The following ERC2 variants were observed in gnomAD, a reference collection of about 807,000 sequenced individuals.
ERC2 encodes ELKS/RAB6-interacting/CAST family member 2, also known as ERC protein 2.
Under a neutral mutation model 114.8 loss-of-function variants are expected in ERC2, and 42 were observed. The observed-to-expected ratio is 0.37, with a 90% CI of 0.29 to 0.47. The LOEUF (loss-of-function observed/expected upper bound fraction) is 0.47, where lower values mean the gene tolerates loss of function less well. ERC2 is among the 20% of genes least tolerant of loss of function. The probability of loss-of-function intolerance (pLI) is 0.99; values close to 1 mark genes in which losing one functional copy is unlikely to be tolerated. For missense variants in ERC2, 939 were observed against 1,150.7 expected, an observed-to-expected ratio of 0.82 and a Z score of 2.66; for synonymous variants, 454 against 425.5, an observed-to-expected ratio of 1.07 and a Z score of -0.82.
chr3:56,102,516 A>C (rs1206747402), intron 6 of ERC2, among the ~76,000 whole-genome samples: 1 of 152,146 alleles, frequency 6.6e-6, no homozygotes, highest in African/African-American at 2.4e-5. Context: ...TCTACTAAAC[A>C]CAGCAGAGTT....
At chr3:55,891,073 AT>A (rs2063574623) in intron 13 of ERC2, among the ~76,000 whole-genome samples, 1 of 152,218 alleles carries the variant, frequency 6.6e-6, no homozygotes, top group South Asian at 2.1e-4. Flanking sequence ...TGGGGTGATC[AT>A]TAGGGTGGTT....
At chr3:56,333,327 G>A (rs530728830) in intron 2 of ERC2, among the ~76,000 whole-genome samples, 23 of 152,312 alleles carry the variant, frequency 1.5e-4, no homozygotes, top group African/African-American at 4.8e-4. Flanking sequence ...AAAGATTTAG[G>A]TGCCACAACA....
intron 6 of ERC2, among the ~76,000 whole-genome samples, chr3:56,126,293 T>A (rs1467321958): frequency 3.9e-5 from 6 of 152,230 alleles, no homozygotes; most frequent in African/African-American, 1.4e-4. Flanking sequence ...GGGAGCTTGT[T>A]CACTATATGC....
At chr3:56,297,676 G>A (rs2055545724) in intron 2 of ERC2, among the ~76,000 whole-genome samples, 1 of 152,196 alleles carries the variant, frequency 6.6e-6, no homozygotes, top group Admixed American at 6.5e-5. Context: ...CCTGCTTGTG[G>A]AATGAACACA....
At chr3:55,559,164 C>G (rs928051019) in intron 17 of ERC2, among the ~76,000 whole-genome samples, 1 of 152,198 alleles carries the variant, frequency 6.6e-6, no homozygotes, top group African/African-American at 2.4e-5. Flanking sequence ...CCAGCATCTC[C>G]CTATGGGCCT....
rs1200307058 is a variant in ERC2 at position 55,511,061 on chromosome 3, C to T, written c.*255G>A. 1 of 152,612 alleles carries T rather than the reference C, an allele frequency of 6.6e-6. No homozygotes were observed. Among genetic ancestry groups the T allele is most frequent in the Non-Finnish European group, 1.5e-5 (1 of 68,042 alleles). The allele number at this position is 152,612 out of a possible 1,614,324, so 9.5% of individuals were successfully genotyped here. ...ACTTTTCTCCTCCTCTGCATTCTTC[C>T]TTTCCATCATAACCAAATCCATGAG... is the stretch of plus-strand genomic sequence containing the variant. On this transcript the variant is annotated 3_prime_UTR_variant, in exon 18 of 18. Coordinates refer to ENST00000288221, the MANE Select transcript of ERC2 (RefSeq NM_015576.3).
intron 7 of ERC2, among the ~76,000 whole-genome samples, chr3:56,064,935 T>C (rs932081453): frequency 2.0e-5 from 3 of 152,216 alleles, no homozygotes. Context: ...ATCTATTACA[T>C]TTCAGTTTTC....
At chr3:55,907,943 G>A (rs968760767) in intron 13 of ERC2, among the ~76,000 whole-genome samples, 4 of 152,174 alleles carry the variant, frequency 2.6e-5, no homozygotes, top group Non-Finnish European at 4.4e-5. Flanking sequence ...CAGACAGGGA[G>A]GAGCAGAGTG....
Position 56,319,014 on chromosome 3 carries a change from T to C in ERC2, c.658-22579A>G, listed in dbSNP as rs538691657. On this transcript the variant is annotated intron_variant, in intron 2 of 17. Coordinates refer to ENST00000288221, the MANE Select transcript of ERC2 (RefSeq NM_015576.3). ...AAGTCTTGGTAAGGATACGGAGAAA[T>C]TGGAACCCTTGTACACTGTTGGTGA... is the stretch of plus-strand genomic sequence containing the variant. 3.4e-5 allele frequency among the ~76,000 whole-genome samples: 5 copies of C among 146,572 alleles called. No homozygotes were observed. The South Asian group carries it at 1.1e-3, about 32-fold the overall frequency.
intron 13 of ERC2, among the ~76,000 whole-genome samples, chr3:55,931,319 A>G (rs2149402965): frequency 1.3e-5 from 2 of 152,352 alleles, no homozygotes; most frequent in African/African-American, 4.8e-5. Context: ...TTATTCCAGC[A>G]CTGTTCACAA....
intron 14 of ERC2, among the ~76,000 whole-genome samples, chr3:55,736,386 C>T (rs1229353100): frequency 6.6e-6 from 1 of 152,194 alleles, no homozygotes; most frequent in Non-Finnish European, 1.5e-5. Flanking sequence ...ACATCACAGG[C>T]TTTGCCTTTC....
chr3:55,734,912 T>G lies in ERC2; in HGVS notation c.2571A>C (p.Glu857Asp). 1 of 1,587,596 alleles carries G rather than the reference T, an allele frequency of 6.3e-7. No homozygotes were observed. The highest frequency in any genetic ancestry group is 8.6e-7 in the Non-Finnish European group (1 of 1,168,280). ...TTTCACTGATGGCTGCAAGTAGTGCTTCCTGTCTGGTAAAATAAAGATTAT... is the reference window on the plus strand; with the variant it reads ...TTTCACTGATGGCTGCAAGTAGTGCGTCCTGTCTGGTAAAATAAAGATTAT... ...QLEEILEMKQ[E>D]ALLAAISEKD... Residue 857 changes from glutamate (E) to aspartate (D), a missense_variant, in exon 15 of 18, where the codon GAA becomes GAC. By Grantham distance (45) the Glu-to-Asp change is conservative. Coordinates refer to ENST00000288221, the MANE Select transcript of ERC2 (RefSeq NM_015576.3).
intron 17 of ERC2, among the ~76,000 whole-genome samples, chr3:55,588,122 C>A (rs1160143639): frequency 2.6e-5 from 4 of 152,148 alleles, no homozygotes; most frequent in Non-Finnish European, 5.9e-5. Context: ...TCCTTCCTCC[C>A]AACTTGTGGC....
At chr3:55,822,143 G>A (rs1371313097) in intron 14 of ERC2, among the ~76,000 whole-genome samples, 5 of 152,124 alleles carry the variant, frequency 3.3e-5, no homozygotes, top group African/African-American at 9.7e-5. Flanking sequence ...GCTTATTAAA[G>A]CCTTGCAAGT....
At chr3:55,934,609 T>C (rs768726565) in intron 13 of ERC2, among the ~76,000 whole-genome samples, 1 of 152,082 alleles carries the variant, frequency 6.6e-6, no homozygotes, top group African/African-American at 2.4e-5. Context: ...TGAAAAGAGA[T>C]GGCCACTGAC....
At chr3:56,366,662 G>T (rs565978042) in intron 2 of ERC2, among the ~76,000 whole-genome samples, 14 of 152,250 alleles carry the variant, frequency 9.2e-5, no homozygotes, top group African/African-American at 3.1e-4. Flanking sequence ...ATCCATGTTT[G>T]CTCCCTTTTG....
chr3:56,258,791 G>A (rs1202122527), intron 3 of ERC2, among the ~76,000 whole-genome samples: 1 of 152,150 alleles, frequency 6.6e-6, no homozygotes, highest in African/African-American at 2.4e-5. Context: ...TATTCGAGAT[G>A]GAGAAGCAGC....
chr3:55,749,579 C>T (rs144331560), intron 14 of ERC2, among the ~76,000 whole-genome samples: 1,844 of 152,224 alleles, frequency 0.012, 37 homozygotes, highest in African/African-American at 0.041. Flanking sequence ...CACCAATCAG[C>T]GCTCTATAAA....
intron 3 of ERC2, among the ~76,000 whole-genome samples, chr3:56,241,465 G>A (rs2051316693): frequency 1.3e-5 from 2 of 152,068 alleles, no homozygotes; most frequent in African/African-American, 4.8e-5. Context: ...ATTTATAACA[G>A]CTCTATGGAA....
Sources: allele counts gnomAD v4.1 joint callset (sites outside exome capture counted in the v4.1 genomes callset), GRCh38; gene constraint gnomAD v4.1.1; transcripts MANE v1.5; gene names NCBI Gene and HGNC (gene_info 2026-07-23, HGNC 2026-07-21).